GSN: variants seen among roughly 807,000 people sequenced by gnomAD.
GSN encodes the protein actin-depolymerizing factor.
In GSN, 56 loss-of-function variants were observed where a neutral mutation model predicts 85.7. The ratio of observed to expected loss-of-function variants is 0.65; its 90% CI spans 0.53 to 0.82. The LOEUF is 0.82. Ranked by LOEUF, GSN falls within the 40% of genes least tolerant of loss-of-function variation. GSN has a pLI of 0.00. For missense variants in GSN, 857 were observed against 979.8 expected (o/e 0.87, Z 1.67); for synonymous variants, 373 against 399.1 (o/e 0.93, Z 0.78).
chr9:121,214,848 T>G (rs796516261), intron 4 of GSN, among the ~76,000 whole-genome samples: 7 of 152,338 alleles, frequency 4.6e-5, no homozygotes, highest in African/African-American at 1.4e-4. Flanking sequence ...CTCCTGGAAG[T>G]ACCTTACTGG....
intron 5 of GSN, chr9:121,239,390 CA>C: frequency 2.3e-6 from 1 of 438,374 alleles, no homozygotes; most frequent in Non-Finnish European, 4.5e-6. Context: ...CCATTTTCTT[CA>C]AAACCAGATT....
intron 4 of GSN, among the ~76,000 whole-genome samples, chr9:121,307,886 G>T (rs918035773): frequency 6.6e-6 from 1 of 151,836 alleles, no homozygotes; most frequent in African/African-American, 2.4e-5. Flanking sequence ...CCCCTGCATT[G>T]CCCTGACCTA....
At chr9:121,257,039 T>C (rs1010332096) in intron 6 of GSN, among the ~76,000 whole-genome samples, 7 of 152,236 alleles carry the variant, frequency 4.6e-5, no homozygotes, top group Middle Eastern at 3.4e-3. Flanking sequence ...TTTGAGGCAA[T>C]AGAGATCCAA....
rs1377441024 is a variant in GSN at position 121,318,769 on chromosome 9, C to T, written c.1080C>T (p.Ser360=). The T allele has an allele frequency of 2.5e-6, 4 of 1,614,066 alleles. No homozygotes were observed. The highest frequency in any genetic ancestry group is 1.1e-5 in the South Asian group (1 of 91,084). Residue 360 remains serine (S), a synonymous_variant, in exon 10 of 18, where the codon TCC becomes TCT. Transcript: ENST00000432226. The surrounding 1 kb of genome is among the most constrained non-coding windows in gnomAD (Gnocchi z 4.3). ...ATGGCCTGGGCTTGTCCTACCTTTC[C>T]AGCCATATCGCCAACGTGGAGCGGG... The part of the protein sequence containing the change: ...QTDGLGLSYL[S]SHIANVERVP...
chr9:121,213,156 A>G (rs2053998314), intron 4 of GSN, among the ~76,000 whole-genome samples: 1 of 152,222 alleles, frequency 6.6e-6, no homozygotes, highest in Non-Finnish European at 1.5e-5. Flanking sequence ...CTAAGTATCT[A>G]CAAGTTATAA....
intron 12 of GSN, among the ~76,000 whole-genome samples, chr9:121,325,748 G>C (rs1465835105): frequency 6.6e-6 from 1 of 152,100 alleles, no homozygotes; most frequent in Non-Finnish European, 1.5e-5. Flanking sequence ...TAAATGAGAT[G>C]ATGACCATCT....
At chr9:121,239,215 A>C in intron 5 of GSN, 1 of 339,824 alleles carries the variant, frequency 2.9e-6, no homozygotes, top group Non-Finnish European at 5.8e-6. Context: ...AACCTCTTGA[A>C]GTGCTTCAGT....
chr9:121,319,173 C>T (rs1589137048), intron 10 of GSN, among the ~76,000 whole-genome samples: 1 of 152,174 alleles, frequency 6.6e-6, no homozygotes, highest in East Asian at 1.9e-4. Flanking sequence ...ATTGTGCAGA[C>T]ACAGGAAGCA....
At chr9:121,247,096 G>A (rs753257611) in intron 5 of GSN, among the ~76,000 whole-genome samples, 4 of 152,116 alleles carry the variant, frequency 2.6e-5, no homozygotes, top group Non-Finnish European at 4.4e-5. Context: ...TGATGCCTTG[G>A]GCAGGTTGAA....
chr9:121,301,673 G>T (rs2059875847), intron 2 of GSN, among the ~76,000 whole-genome samples: 1 of 151,444 alleles, frequency 6.6e-6, no homozygotes, highest in African/African-American at 2.4e-5. Context: ...AAAGAAAGGA[G>T]CAGGGAGGTA....
rs540188138 is a variant in GSN at position 121,332,063 on chromosome 9, A to T, written c.2027-371A>T. Among the ~76,000 whole-genome samples, 41 of 150,716 alleles carry T rather than the reference A, an allele frequency of 2.7e-4. No individual in the cohort carries two copies. The highest frequency in any genetic ancestry group is 4.3e-4 in the Non-Finnish European group (29 of 67,482). On this transcript the variant is annotated intron_variant, in intron 17 of 17. Coordinates refer to ENST00000432226, the MANE Select transcript of GSN (RefSeq NM_198252.3). The surrounding 1 kb of genome is among the most constrained non-coding windows in gnomAD (Gnocchi z 4.8). ...AGAATGAGATGGTGTCTCAAAATGA[A>T]AAAAAAAAAGAAAAAGATGTTGCAA...
At chr9:121,265,066 G>A (rs1465487070), upstream of GSN, 2 of 152,282 alleles carry the variant, frequency 1.3e-5, no homozygotes, top group Non-Finnish European at 2.9e-5. Flanking sequence ...CCCTGCCCTA[G>A]TGTTCCATGG....
At chr9:121,324,938 A>G (rs1348567766) in intron 12 of GSN, among the ~76,000 whole-genome samples, 10 of 152,206 alleles carry the variant, frequency 6.6e-5, no homozygotes, top group African/African-American at 2.2e-4. Flanking sequence ...ACCAATGGCT[A>G]TGACAGATGC....
chr9:121,268,774 C>G (rs1009719586), intron 1 of GSN, among the ~76,000 whole-genome samples: 1 of 152,214 alleles, frequency 6.6e-6, no homozygotes, highest in Non-Finnish European at 1.5e-5. Context: ...TCTCCCCGGC[C>G]CTGCAGTGTT....
chr9:121,328,758 TG>T, intron 14 of GSN, 132 bp from the exon 15 acceptor site: 2 of 979,256 alleles, frequency 2.0e-6, no homozygotes, highest in Non-Finnish European at 3.2e-6. Context: ...CTGGATCTCC[TG>T]GGATTTTTAG....
At chr9:121,325,281 T>C (rs2063014910) in intron 12 of GSN, among the ~76,000 whole-genome samples, 1 of 152,184 alleles carries the variant, frequency 6.6e-6, no homozygotes, top group South Asian at 2.1e-4. Flanking sequence ...CCCACCCCTG[T>C]CCCAGGAGGG....
At chr9:121,263,888 CAAA>C (rs34342246), upstream of GSN, among the ~76,000 whole-genome samples, 2 of 70,552 alleles carry the variant, frequency 2.8e-5, no homozygotes, top group Non-Finnish European at 2.7e-5. Flanking sequence ...AACTCCATCT[CAAA>C]AAAAAAAAAA....
chr9:121,237,723 T>A (rs1195590436), intron 5 of GSN, among the ~76,000 whole-genome samples: 3 of 152,192 alleles, frequency 2.0e-5, no homozygotes, highest in African/African-American at 7.2e-5. Context: ...GCCCCTTTAA[T>A]TTAGAGACCA....
rs1408094653 is a variant in GSN, at chr9:121,299,824, C to T, written c.-9-2139C>T. The T allele has an allele frequency of 1.5e-5, 20 of 1,317,342 alleles. No homozygotes were observed. The highest frequency in any genetic ancestry group is 1.9e-5 in the Non-Finnish European group (20 of 1,026,478). 81.6% of individuals were successfully genotyped at this position (1,317,342 alleles called of 1,614,324 possible). A position where few individuals can be genotyped will look rare whatever the true frequency, so the allele number is the denominator to read the frequency against. On this transcript the variant is annotated intron_variant, in intron 2 of 17. Transcript: ENST00000432226. The surrounding 1 kb of genome is among the most constrained non-coding windows in gnomAD (Gnocchi z 4.2). Reference sequence around the variant, plus strand: ...CTACTTAAGGTCGGCGACCCGAGGCCGCGGCTGCCGACTGGGTCCCCTGCC... The same window carrying T: ...CTACTTAAGGTCGGCGACCCGAGGCTGCGGCTGCCGACTGGGTCCCCTGCC...
Sources: gnomAD v4.1 joint callset for allele counts (sites outside exome capture counted in the v4.1 genomes callset) on GRCh38, gnomAD v4.1.1 for gene constraint, Gnocchi (gnomAD v3.1) non-coding constraint, MANE v1.5 for transcripts, NCBI Gene and HGNC (gene_info 2026-07-23, HGNC 2026-07-21) for gene names.